Variants in VWA3A observed in about 807,000 individuals in gnomAD.
VWA3A encodes the protein von Willebrand factor A domain containing 3A, also known as von Willebrand factor A domain-containing protein 3A.
In VWA3A, 134 loss-of-function variants were observed where a neutral mutation model predicts 160.4. The ratio of observed to expected loss-of-function variants is 0.84; its 90% CI spans 0.73 to 0.96. The LOEUF (loss-of-function observed/expected upper bound fraction) is 0.96. Among genes scored for constraint, VWA3A ranks in the 40% least tolerant of loss-of-function variants. VWA3A has a pLI of 0.00. For missense variants in VWA3A, 1,310 were observed against 1,447.9 expected, an observed-to-expected ratio of 0.90 and a Z score of 1.55; for synonymous variants, 476 against 543.4, an observed-to-expected ratio of 0.88 and a Z score of 1.72.
At position 22,148,142 on chromosome 16, in the gene VWA3A, C is replaced by G. The variant is rs2046286552; in HGVS notation, c.2840-20C>G. ...ACCCCTCACTCCCTCCCTGCCTCTT[C>G]CCCACCTGTCTCGGAGCAGGGAGCC... On this transcript the variant is annotated intron_variant, in intron 27 of 33. Transcript: ENST00000389398. The G allele has an allele frequency of 1.3e-6, 2 of 1,584,840 alleles. No homozygotes were observed. The highest frequency in any genetic ancestry group is 3.6e-5 in the Admixed American group (2 of 55,616).
chr16:22,148,251 G>A lies in VWA3A; in HGVS notation c.2929G>A (p.Val977Met), dbSNP rs1306206988. 3 of 1,598,590 alleles carry A rather than the reference G, an allele frequency of 1.9e-6. No homozygotes were observed. The highest frequency in any genetic ancestry group is 2.6e-6 in the Non-Finnish European group (3 of 1,172,850). The change falls in exon 28 of 34, where the codon GTG becomes ATG. Residue 977 changes from valine (V) to methionine (M), a missense_variant. Coordinates refer to ENST00000389398, the MANE Select transcript of VWA3A (RefSeq NM_173615.5). Reference sequence around the variant, plus strand: ...GTCCATGGGCCCCTACCTGCAGCAGGTGAAGACAGAGCTGGTTTTGCTGAT... The same window carrying A: ...GTCCATGGGCCCCTACCTGCAGCAGATGAAGACAGAGCTGGTTTTGCTGAT... The part of the protein sequence containing the change: ...SGSMGPYLQQ[V>M]KTELVLLIWE...
intron 17 of VWA3A, among the ~76,000 whole-genome samples, chr16:22,130,138 A>G (rs888344686): frequency 6.6e-6 from 1 of 152,122 alleles, no homozygotes; most frequent in African/African-American, 2.4e-5. Context: ...GATAATAGGG[A>G]TATATTTCCA....
intron 17 of VWA3A, 149 bp downstream of exon 17, chr16:22,126,446 G>A: frequency 8.1e-7 from 1 of 1,239,024 alleles, no homozygotes; most frequent in Non-Finnish European, 1.1e-6. Context: ...ATCTGATTTG[G>A]ATGATCTTGT....
At chr16:22,142,624 C>G (rs528811414) in intron 24 of VWA3A, 44 bp from the exon 25 acceptor site, 2 of 1,469,364 alleles carry the variant, frequency 1.4e-6, no homozygotes, top group Non-Finnish European at 1.9e-6. Flanking sequence ...TGCAGGGGCT[C>G]AACCATCCAA....
intron 17 of VWA3A, among the ~76,000 whole-genome samples, 157 bp from the exon 18 acceptor site, chr16:22,131,048 A>C (rs1459648779): frequency 2.6e-5 from 4 of 152,174 alleles, no homozygotes; most frequent in African/African-American, 9.7e-5. Flanking sequence ...TATGACCCAC[A>C]AGGAAATCTC....
intron 27 of VWA3A, 94 bp from the exon 28 acceptor site, chr16:22,148,068 A>G: frequency 1.4e-6 from 2 of 1,425,416 alleles, no homozygotes; most frequent in South Asian, 2.9e-5. Flanking sequence ...AGGTGTCACA[A>G]GACTTTATAC....
Position 22,155,889 on chromosome 16 carries a change from T to C in VWA3A, c.3542T>C (p.Val1181Ala), listed in dbSNP as rs1040336989. Reference protein sequence around the residue: ...LQKKNDAEPKVTLS With the variant: ...LQKKNDAEPKATLS ...AAGAAAAATGATGCAGAACCAAAGG[T>C]CACTCTTTCCTAGAGAAGTGTTCTC... The change falls in exon 33 of 34, where the codon GTC becomes GCC. Residue 1181 changes from valine (V) to alanine (A), a missense_variant. Physicochemically the swap from Val to Ala is moderately conservative, Grantham distance 64. Coordinates refer to ENST00000389398, the MANE Select transcript of VWA3A (RefSeq NM_173615.5). The C allele has an allele frequency of 1.1e-5, 17 of 1,613,794 alleles. No individual in the cohort carries two copies. The Admixed American group carries it at 2.2e-4, about 21-fold the overall frequency.
At chr16:22,148,607 C>A (rs1197766059) in intron 28 of VWA3A, among the ~76,000 whole-genome samples, 1 of 151,996 alleles carries the variant, frequency 6.6e-6, no homozygotes, top group East Asian at 1.9e-4. Flanking sequence ...CCCATCTCTT[C>A]AAAACATTTA....
intron 9 of VWA3A, among the ~76,000 whole-genome samples, chr16:22,115,755 T>G (rs867265962): frequency 2.6e-4 from 39 of 150,196 alleles, no homozygotes; most frequent in Middle Eastern, 3.4e-3. Flanking sequence ...GAGGATTGAT[T>G]AAGCCCAGGA....
chr16:22,135,801 T>G (rs972251408), intron 21 of VWA3A, among the ~76,000 whole-genome samples: 2 of 151,896 alleles, frequency 1.3e-5, no homozygotes, highest in African/African-American at 4.8e-5. Flanking sequence ...TTTTTGGGGG[T>G]TTTTTTGAGA....
intron 9 of VWA3A, chr16:22,116,342 GAAA>G (rs61136920): frequency 1.7e-4 from 62 of 370,176 alleles, no homozygotes; most frequent in Admixed American, 2.5e-4. Flanking sequence ...GAGAGAGAAA[GAAA>G]AAAGAAAAGG....
rs1567526461 is a variant in VWA3A, at chr16:22,100,430, A to C, written c.365A>C (p.Asn122Thr). The C allele has an allele frequency of 6.4e-7, 1 of 1,551,684 alleles. No homozygotes were observed. ...QGTEVLEEGT[N>T]VVQKICFSTQ... ...TGCTTCTTCAGGGAGGAGGGCACCAATGTCGTGCAGAAAATATGTTTCTCC... is the reference window on the plus strand; with the variant it reads ...TGCTTCTTCAGGGAGGAGGGCACCACTGTCGTGCAGAAAATATGTTTCTCC... Residue 122 changes from asparagine to threonine, a missense_variant, in exon 5 of 34, where the codon AAT becomes ACT. Coordinates refer to ENST00000389398, the MANE Select transcript of VWA3A (RefSeq NM_173615.5).
intron 30 of VWA3A, among the ~76,000 whole-genome samples, chr16:22,151,287 AAAAG>A (rs1455974338): frequency 1.3e-5 from 2 of 151,984 alleles, no homozygotes; most frequent in Non-Finnish European, 2.9e-5. Flanking sequence ...AAAAAAAAAA[AAAAG>A]AAAGAAAAGA....
At chr16:22,093,842 G>A (rs996035769) in intron 1 of VWA3A, among the ~76,000 whole-genome samples, 3 of 152,006 alleles carry the variant, frequency 2.0e-5, no homozygotes, top group Admixed American at 6.6e-5. Context: ...ACAGCTCACC[G>A]CAGCCTCAAA....
chr16:22,109,505 C>T lies in VWA3A; in HGVS notation c.507C>T (p.Ala169=). 1 of 1,609,860 alleles carries T rather than the reference C, an allele frequency of 6.2e-7. No individual in the cohort carries two copies. Among genetic ancestry groups the T allele is most frequent in the Non-Finnish European group, 8.5e-7 (1 of 1,178,242 alleles). Residue 169 remains alanine (A), a synonymous_variant, in exon 7 of 34, where the codon GCC becomes GCT. Coordinates refer to ENST00000389398, the MANE Select transcript of VWA3A (RefSeq NM_173615.5). ...AGGCATTTGGCCTCATCAAAGGGGC[C>T]AGAGTCAGCATCCTCATAGATGTGT... ...SKKAFGLIKG[A]RVSILIDVSA...
chr16:22,131,184 A>G, intron 17 of VWA3A, 21 bp from the exon 18 acceptor site: 2 of 1,612,608 alleles, frequency 1.2e-6, no homozygotes, highest in Non-Finnish European at 1.7e-6. Context: ...CCTAAGAACG[A>G]ACTCTCTTTG....
chr16:22,125,569 G>A (rs1452294270), intron 16 of VWA3A, among the ~76,000 whole-genome samples: 1 of 151,720 alleles, frequency 6.6e-6, no homozygotes, highest in Non-Finnish European at 1.5e-5. Flanking sequence ...GACTACAGTC[G>A]CCCGCCACCA....
intron 31 of VWA3A, among the ~76,000 whole-genome samples, chr16:22,154,940 G>A (rs74904488): frequency 0.094 from 11,617 of 123,450 alleles, 585 homozygotes; most frequent in South Asian, 0.17. Flanking sequence ...CGGCCTGGGC[G>A]ACAGAGCGAG....
rs370201268 is a variant in VWA3A, at chr16:22,132,957, G to A, written c.1930G>A (p.Val644Met). Reference protein sequence around the residue: ...ACGGCDLQLNVCLFYVGEPKM... With the variant: ...ACGGCDLQLNMCLFYVGEPKM... Reference sequence around the variant, plus strand: ...TGGCGGCTGCGACCTCCAGCTGAACGTGTGTCTCTTCTACGTGGGCGAGCC... The same window carrying A: ...TGGCGGCTGCGACCTCCAGCTGAACATGTGTCTCTTCTACGTGGGCGAGCC... Residue 644 changes from valine (V) to methionine (M), a missense_variant, in exon 20 of 34, where the codon GTG (valine) becomes ATG (methionine). By Grantham distance (21) the Val-to-Met change is conservative. Coordinates refer to ENST00000389398, the MANE Select transcript of VWA3A (RefSeq NM_173615.5). The A allele has an allele frequency of 1.0e-4, 168 of 1,613,768 alleles. No individual in the cohort carries two copies. The highest frequency in any genetic ancestry group is 1.3e-4 in the Non-Finnish European group (153 of 1,179,904).
Sources: allele counts gnomAD v4.1 joint callset (sites outside exome capture counted in the v4.1 genomes callset), GRCh38; gene constraint gnomAD v4.1.1; transcripts MANE v1.5; gene names NCBI Gene and HGNC (gene_info 2026-07-23, HGNC 2026-07-21).